The following CLYBL variants were observed in gnomAD, a reference collection of about 807,000 sequenced individuals.
CLYBL encodes the protein citramalyl-CoA lyase.
Under a neutral mutation model 38.9 loss-of-function variants are expected in CLYBL, and 31 were observed. The ratio of observed to expected loss-of-function variants is 0.80; its 90% confidence interval spans 0.60 to 1.08. The LOEUF (loss-of-function observed/expected upper bound fraction) is 1.08. CLYBL is among the 50% of genes least tolerant of loss of function. The pLI is 0.00. For missense variants in CLYBL, 434 were observed against 411.6 expected, an observed-to-expected ratio of 1.05 and a Z score of -0.47; for synonymous variants, 171 against 158.6, an observed-to-expected ratio of 1.08 and a Z score of -0.59.
intron 1 of CLYBL, among the ~76,000 whole-genome samples, chr13:99,674,173 A>ATGGAGTCT (rs1327698100): frequency 0.015 from 1,144 of 75,746 alleles, 37 homozygotes; most frequent in African/African-American, 0.065. Flanking sequence ...TTTTTTTGAG[A>ATGGAGTCT]TGGAGTCTTG....
At chr13:99,792,500 C>T (rs1357688466) in intron 2 of CLYBL, among the ~76,000 whole-genome samples, 2 of 152,132 alleles carry the variant, frequency 1.3e-5, no homozygotes, top group Non-Finnish European at 2.9e-5. Context: ...TTGCAGCTGC[C>T]TTCCTCGGTG....
intron 2 of CLYBL, among the ~76,000 whole-genome samples, chr13:99,793,373 A>G (rs903870741): frequency 3.3e-5 from 5 of 152,176 alleles, no homozygotes; most frequent in African/African-American, 2.4e-5. Flanking sequence ...GATGTCTTCA[A>G]TAGGAATTAG....
chr13:99,704,967 C>T (rs1355899967), intron 1 of CLYBL, among the ~76,000 whole-genome samples: 1 of 152,228 alleles, frequency 6.6e-6, no homozygotes, highest in African/African-American at 2.4e-5. Flanking sequence ...CTGTGTCCAG[C>T]TCACCGCAGT....
downstream of CLYBL, chr13:99,893,674 G>GCAGCCAGC (rs965781360): frequency 6.5e-6 from 1 of 153,134 alleles, no homozygotes; most frequent in African/African-American, 2.4e-5. Context: ...AGCCCCACAG[G>GCAGCCAGC]CAGCCAGCCA....
At chr13:99,752,454 G>A (rs1296982252) in intron 1 of CLYBL, among the ~76,000 whole-genome samples, 1 of 152,164 alleles carries the variant, frequency 6.6e-6, no homozygotes, top group African/African-American at 2.4e-5. Flanking sequence ...GATACCAGCT[G>A]GGGCTGATTT....
At chr13:99,636,568 C>T (rs1173749181) in intron 1 of CLYBL, among the ~76,000 whole-genome samples, 1 of 152,192 alleles carries the variant, frequency 6.6e-6, no homozygotes, top group Non-Finnish European at 1.5e-5. Flanking sequence ...TTGAGCCATT[C>T]CTCTTGCCAG....
intron 2 of CLYBL, among the ~76,000 whole-genome samples, chr13:99,813,452 T>C (rs905721797): frequency 6.6e-6 from 1 of 152,204 alleles, no homozygotes; most frequent in African/African-American, 2.4e-5. Flanking sequence ...AAACCACAAA[T>C]AATTTCTGCT....
chr13:99,716,008 T>G lies in CLYBL; in HGVS notation c.63-56816T>G, dbSNP rs191458923. Among the ~76,000 whole-genome samples the G allele has an allele frequency of 2.5e-3, 387 of 152,190 alleles. 1 individual carries two copies. The highest frequency in any genetic ancestry group is 8.7e-3 in the African/African-American group (363 of 41,524). ...TAATCTGCCATGTTATTTAGCAAAC[T>G]TTTTAAACATTTTTAAATTATGAAT... On this transcript the variant is annotated intron_variant, in intron 1 of 8. Transcript: ENST00000339105.
chr13:99,684,035 A>AT (rs778902077), intron 1 of CLYBL, among the ~76,000 whole-genome samples: 1,850 of 86,366 alleles, frequency 0.021, 102 homozygotes, highest in African/African-American at 0.073. Flanking sequence ...TGCCTGGCTA[A>AT]TTTTTTTTTT....
chr13:99,705,803 G>A (rs1359787875), intron 1 of CLYBL, among the ~76,000 whole-genome samples: 1 of 152,038 alleles, frequency 6.6e-6, no homozygotes, highest in Admixed American at 6.6e-5. Flanking sequence ...TCAGTAGGGG[G>A]TGATGGAAAA....
chr13:99,804,265 C>G (rs2050189790), intron 2 of CLYBL, among the ~76,000 whole-genome samples: 1 of 152,224 alleles, frequency 6.6e-6, no homozygotes. Flanking sequence ...CACATGGCCC[C>G]CAAGGGCTCT....
intron 1 of CLYBL, among the ~76,000 whole-genome samples, chr13:99,746,181 G>T (rs536489167): frequency 8.6e-5 from 13 of 152,040 alleles, no homozygotes; most frequent in African/African-American, 3.1e-4. Flanking sequence ...ACGTTTAGCA[G>T]CCTTTGAGCT....
At chr13:99,835,805 G>C (rs2050921378) in intron 2 of CLYBL, among the ~76,000 whole-genome samples, 1 of 152,194 alleles carries the variant, frequency 6.6e-6, no homozygotes, top group African/African-American at 2.4e-5. Flanking sequence ...CCAGGTAAGA[G>C]TAAAACAGAA....
intron 7 of CLYBL, among the ~76,000 whole-genome samples, chr13:99,871,853 C>G (rs2051909264): frequency 6.6e-6 from 1 of 152,106 alleles, no homozygotes; most frequent in Non-Finnish European, 1.5e-5. Flanking sequence ...ATTTATAAAT[C>G]TATCCTAGAG....
chr13:99,612,314 C>G (rs1483109315), intron 1 of CLYBL, among the ~76,000 whole-genome samples: 3 of 150,316 alleles, frequency 2.0e-5, no homozygotes, highest in Non-Finnish European at 3.0e-5. Flanking sequence ...CTACCTTCAC[C>G]TTACTTTGGG....
At chr13:99,679,281 G>A (rs1416457366) in intron 1 of CLYBL, among the ~76,000 whole-genome samples, 1 of 133,396 alleles carries the variant, frequency 7.5e-6, no homozygotes, top group African/African-American at 2.9e-5. Context: ...GCGACAGAGC[G>A]AGACTCCGAC....
At chr13:99,746,256 TA>T (rs986894397) in intron 1 of CLYBL, among the ~76,000 whole-genome samples, 2 of 151,906 alleles carry the variant, frequency 1.3e-5, no homozygotes, top group African/African-American at 4.8e-5. Flanking sequence ...TCGTGACCTT[TA>T]AAAAAAAGTT....
At chr13:99,886,517 A>G (rs74113455) in intron 7 of CLYBL, among the ~76,000 whole-genome samples, 4,255 of 152,296 alleles carry the variant, frequency 0.028, 180 homozygotes, top group African/African-American at 0.095. Flanking sequence ...ACTGGCCTTC[A>G]CCTCCAGGAG....
intron 2 of CLYBL, among the ~76,000 whole-genome samples, chr13:99,780,739 A>AT (rs2049627872): frequency 1.5e-5 from 2 of 134,140 alleles, no homozygotes; most frequent in Non-Finnish European, 3.1e-5. Flanking sequence ...TTTGAAACGT[A>AT]GTCTCACTAT....
Sources: allele counts gnomAD v4.1 joint callset (sites outside exome capture counted in the v4.1 genomes callset), GRCh38; gene constraint gnomAD v4.1.1; transcripts MANE v1.5; gene names NCBI Gene and HGNC (gene_info 2026-07-23, HGNC 2026-07-21).